OR52N4: variants seen among roughly 807,000 people sequenced by gnomAD.
The protein encoded by OR52N4 is olfactory receptor family 52 subfamily N member 4, also known as olfactory receptor 52N4.
A neutral mutation model predicts 15.0 loss-of-function variants in OR52N4; 15 were observed. That is an observed-to-expected ratio of 1.00 (90% CI 0.67 to 1.54). The LOEUF (loss-of-function observed/expected upper bound fraction) is 1.54. Among genes scored for constraint, OR52N4 ranks in the 40% most tolerant of loss-of-function variants. OR52N4 has a pLI of 0.00. For missense variants in OR52N4, 421 were observed against 394.0 expected, an observed-to-expected ratio of 1.07 and a Z score of -0.58; for synonymous variants, 143 against 143.7, an observed-to-expected ratio of 1.00 and a Z score of 0.03.
the OR52N4 span, chr11:5,727,402 C>A: frequency 0.12 from 18,337 of 152,050 alleles, 1,282 homozygotes; most frequent in East Asian, 0.25. Context: ...CAAACAGATC[C>A]GTAAAAGAGT....
At position 5,755,004 on chromosome 11, in the gene OR52N4, G is replaced by A. The variant is rs1854270185; in HGVS notation, c.264G>A (p.Trp88Ter). 1 of 1,613,764 alleles carries A rather than the reference G, an allele frequency of 6.2e-7. No homozygotes were observed. The highest frequency in any genetic ancestry group is 1.7e-5 in the Admixed American group (1 of 59,934). Reference protein sequence around the residue: ...STIPKALCIFWFHLKDIGFDE... With the variant: ...STIPKALCIF ...TCCCTAAAGCCCTCTGCATCTTCTG[G>A]TTTCATCTCAAGGACATTGGATTTG... is the stretch of plus-strand genomic sequence containing the variant. Residue 88 changes from tryptophan (W) to a stop codon, truncating the protein, a stop_gained, in exon 2 of 2, where the codon TGG becomes TGA. Coordinates refer to ENST00000641350, the MANE Select transcript of OR52N4 (RefSeq NM_001005175.5). LOFTEE classifies it high-confidence loss of function.
At chr11:5,748,800 G>GT in the OR52N4 span, among the ~76,000 whole-genome samples, 1 of 151,958 alleles carries the variant, frequency 6.6e-6, no homozygotes, top group Admixed American at 6.6e-5. Context: ...TTAATCTGCA[G>GT]TAAGTATTAA....
upstream of OR52N4, among the ~76,000 whole-genome samples, chr11:5,753,988 C>CAAAAAAAA (rs60504408): frequency 2.5e-5 from 2 of 79,666 alleles, no homozygotes; most frequent in African/African-American, 1.0e-4. Context: ...GACTCTGCCT[C>CAAAAAAAA]AAAAAAAAAA....
At chr11:5,747,883 CAATT>C in the OR52N4 span, among the ~76,000 whole-genome samples, 82 of 152,066 alleles carry the variant, frequency 5.4e-4, no homozygotes, top group Non-Finnish European at 9.1e-4. Context: ...AGTTAAATGA[CAATT>C]AGACAACTGT....
At chr11:5,736,441 A>G in the OR52N4 span, 12 of 1,282,010 alleles carry the variant, frequency 9.4e-6, no homozygotes, top group East Asian at 1.4e-4. Context: ...AAATACTACA[A>G]TTTTATTTCT....
the OR52N4 span, chr11:5,736,439 C>T: frequency 8.0e-7 from 1 of 1,246,358 alleles, no homozygotes; most frequent in Non-Finnish European, 1.1e-6. Flanking sequence ...AAAAATACTA[C>T]AATTTTATTT....
chr11:5,736,171 ATAATT>A, the OR52N4 span: 14 of 243,068 alleles, frequency 5.8e-5, no homozygotes, highest in East Asian at 1.0e-4. Context: ...AATCCTCAAT[ATAATT>A]TATTTCTGGA....
chr11:5,749,336 T>C (rs373902179), upstream of OR52N4, among the ~76,000 whole-genome samples: 4 of 151,996 alleles, frequency 2.6e-5, no homozygotes, highest in Admixed American at 6.6e-5. Flanking sequence ...AGCTAAGTCA[T>C]TGATTCCAAT....
chr11:5,755,096 T>C lies in OR52N4; in HGVS notation c.356T>C (p.Leu119Pro). 6.2e-7 allele frequency: 1 copy of C among 1,614,048 alleles called. No individual in the cohort carries two copies. ...FTGMESGVLM[L>P]MALDRYVAIC... The stretch of plus-strand genomic sequence containing the variant: ...GGGATGGAGTCTGGGGTGCTTATGC[T>C]TATGGCCCTGGATCGCTATGTGGCC... Residue 119 changes from leucine to proline, a missense_variant, in exon 2 of 2, where the codon CTT becomes CCT. Leu to Pro is a moderately conservative substitution (Grantham distance 98, BLOSUM62 -3). Coordinates refer to ENST00000641350, the MANE Select transcript of OR52N4 (RefSeq NM_001005175.5).
the OR52N4 span, among the ~76,000 whole-genome samples, chr11:5,748,915 T>C: frequency 2.0e-5 from 3 of 152,168 alleles, no homozygotes; most frequent in Middle Eastern, 3.4e-3. Flanking sequence ...TTTGCTTATA[T>C]ACGTATCATT....
At chr11:5,728,766 CA>C in the OR52N4 span, among the ~76,000 whole-genome samples, 1 of 152,144 alleles carries the variant, frequency 6.6e-6, no homozygotes, top group African/African-American at 2.4e-5. Context: ...AAACAGTGCA[CA>C]AATAGTGAAA....
chr11:5,735,841 T>C, the OR52N4 span, among the ~76,000 whole-genome samples: 4 of 152,188 alleles, frequency 2.6e-5, no homozygotes, highest in Admixed American at 2.6e-4. Context: ...GTTTTAGTTG[T>C]ACAAGATGAA....
chr11:5,737,360 G>C, the OR52N4 span: 1 of 1,614,088 alleles, frequency 6.2e-7, no homozygotes, highest in Non-Finnish European at 8.5e-7. Flanking sequence ...TTTGATTCCA[G>C]TTCTACTTAA....
upstream of OR52N4, among the ~76,000 whole-genome samples, chr11:5,750,612 TCA>T (rs1337110333): frequency 6.6e-6 from 1 of 151,956 alleles, no homozygotes; most frequent in Non-Finnish European, 1.5e-5. Flanking sequence ...ACTGTCACTG[TCA>T]GTTATTTTGC....
chr11:5,738,428 T>A, the OR52N4 span: 1 of 151,762 alleles, frequency 6.6e-6, no homozygotes, highest in Admixed American at 6.6e-5. Flanking sequence ...GATAGTAGTC[T>A]CTGAGTGCCC....
the OR52N4 span, chr11:5,736,783 G>A: frequency 1.2e-6 from 2 of 1,614,002 alleles, no homozygotes; most frequent in East Asian, 4.5e-5. Flanking sequence ...TCATCCCTAA[G>A]ATCCTGGCCA....
At chr11:5,735,326 TGA>T in the OR52N4 span, among the ~76,000 whole-genome samples, 2 of 152,144 alleles carry the variant, frequency 1.3e-5, no homozygotes, top group Admixed American at 6.5e-5. Flanking sequence ...GAGTCATATC[TGA>T]GAGTGTTTTA....
chr11:5,732,458 G>A, the OR52N4 span, among the ~76,000 whole-genome samples: 4 of 152,092 alleles, frequency 2.6e-5, no homozygotes, highest in Non-Finnish European at 5.9e-5. Flanking sequence ...ACCTCCAAGA[G>A]ACTGAATCCA....
At chr11:5,728,982 T>A in the OR52N4 span, among the ~76,000 whole-genome samples, 1 of 152,144 alleles carries the variant, frequency 6.6e-6, no homozygotes, top group African/African-American at 2.4e-5. Flanking sequence ...GTTGGTGTGC[T>A]GCACCCATTA....
Sources: gnomAD v4.1 joint callset for allele counts (sites outside exome capture counted in the v4.1 genomes callset) on GRCh38, gnomAD v4.1.1 for gene constraint, MANE v1.5 for transcripts, NCBI Gene and HGNC (gene_info 2026-07-23, HGNC 2026-07-21) for gene names.